The following ANAPC16 variants were observed in gnomAD, a reference collection of about 807,000 sequenced individuals.
ANAPC16 encodes anaphase-promoting complex subunit 16.
In ANAPC16, 6 loss-of-function variants were observed where a neutral mutation model predicts 13.1. The observed-to-expected ratio is 0.46, with a 90% CI of 0.25 to 0.90. The LOEUF (loss-of-function observed/expected upper bound fraction) is 0.90. Ranked by LOEUF, ANAPC16 falls within the 40% of genes least tolerant of loss-of-function variation. The pLI, the probability that ANAPC16 is intolerant of heterozygous loss-of-function variation, is 0.18. For synonymous variants in ANAPC16, 55 were observed against 51.3 expected (o/e 1.07, Z -0.31); for missense variants, 113 against 131.1 (o/e 0.86, Z 0.67).
intron 1 of ANAPC16, among the ~76,000 whole-genome samples, chr10:72,218,154 A>C (rs1364600520): frequency 2.0e-5 from 1 of 50,056 alleles, no homozygotes; most frequent in Non-Finnish European, 3.6e-5. Context: ...TCAAAAAAAA[A>C]AAAAAAAAAA....
rs115750400 is a variant in ANAPC16, at chr10:72,226,888, C to T, written c.142+2832C>T. 3.3e-3 allele frequency among the ~76,000 whole-genome samples: 502 copies of T among 152,222 alleles called. 5 individuals are homozygous for T. The highest frequency in any genetic ancestry group is 0.012 in the African/African-American group (482 of 41,540). On this transcript the variant is annotated intron_variant, in intron 2 of 3. Transcript: ENST00000299381. ...GCATATGTAATTAGTGATACATGTA[C>T]TTCTCTCTTTGCCTTTTTATTTTCT...
chr10:72,216,832 A>G (rs1385891311), intron 1 of ANAPC16: 1 of 456,092 alleles, frequency 2.2e-6, no homozygotes, highest in Non-Finnish European at 4.4e-6. Context: ...TGACAGGGCC[A>G]AGTCCCAGGA....
chr10:72,222,824 G>C (rs964385143), intron 1 of ANAPC16, among the ~76,000 whole-genome samples: 1 of 152,216 alleles, frequency 6.6e-6, no homozygotes, highest in African/African-American at 2.4e-5. Flanking sequence ...ACACTTTTTA[G>C]AATTTTTGTT....
chr10:72,217,848 A>C (rs1859611742), intron 1 of ANAPC16, among the ~76,000 whole-genome samples: 1 of 152,064 alleles, frequency 6.6e-6, no homozygotes, highest in East Asian at 1.9e-4. Flanking sequence ...CTTTTTGAGC[A>C]CTGACAGGAT....
At position 72,233,080 on chromosome 10, in the gene ANAPC16, C is replaced by T. The variant is rs767395303; in HGVS notation, c.297C>T (p.Ile99=). The change falls in exon 4 of 4, where the codon ATC becomes ATT. Residue 99 remains isoleucine, a synonymous_variant. Transcript: ENST00000299381. ...LEADEWRFKP[I]EQLLGFTPSS... ...CTGACGAGTGGCGGTTTAAGCCCATCGAGCAGCTGCTGGGATTCACCCCCT... is the reference window on the plus strand; with the variant it reads ...CTGACGAGTGGCGGTTTAAGCCCATTGAGCAGCTGCTGGGATTCACCCCCT... 5.0e-6 allele frequency: 8 copies of T among 1,614,162 alleles called. No homozygotes were observed. The highest frequency in any genetic ancestry group is 1.1e-5 in the South Asian group (1 of 91,086).
At chr10:72,229,908 T>C (rs949962139) in intron 2 of ANAPC16, among the ~76,000 whole-genome samples, 29 of 152,362 alleles carry the variant, frequency 1.9e-4, no homozygotes, top group African/African-American at 6.0e-4. Context: ...TAATTTGATA[T>C]ATTAAAAATC....
At position 72,230,455 on chromosome 10, in the gene ANAPC16, G is replaced by A; in HGVS notation, c.217+15G>A. ...GGTGAAACATGGTAAGCACATGAGT[G>A]TTGCGTACTTGACTGTGAGAATAAA... On this transcript the variant is annotated intron_variant, in intron 3 of 3. Transcript: ENST00000299381. 6.2e-7 allele frequency: 1 copy of A among 1,610,740 alleles called. No homozygotes were observed. The highest frequency in any genetic ancestry group is 8.5e-7 in the Non-Finnish European group (1 of 1,177,328).
At chr10:72,218,435 C>G (rs1202529111) in intron 1 of ANAPC16, among the ~76,000 whole-genome samples, 1 of 151,770 alleles carries the variant, frequency 6.6e-6, no homozygotes, top group Non-Finnish European at 1.5e-5. Context: ...CTTTACGTTG[C>G]ACATGACAAA....
chr10:72,230,845 C>T (rs1023747242), intron 3 of ANAPC16, among the ~76,000 whole-genome samples: 1 of 152,022 alleles, frequency 6.6e-6, no homozygotes, highest in African/African-American at 2.4e-5. Flanking sequence ...GAGCCGGAAT[C>T]ACAGCACTGC....
chr10:72,217,953 G>GA (rs1307316806), intron 1 of ANAPC16, among the ~76,000 whole-genome samples: 49 of 148,866 alleles, frequency 3.3e-4, no homozygotes, highest in Non-Finnish European at 5.1e-4. Flanking sequence ...CCCAAAACCT[G>GA]AAAAAAAAAT....
At chr10:72,226,682 G>A (rs998955323) in intron 2 of ANAPC16, among the ~76,000 whole-genome samples, 1 of 150,458 alleles carries the variant, frequency 6.6e-6, no homozygotes. Context: ...AAAAAAAAAA[G>A]AAAAGAAAAG....
At chr10:72,216,755 A>C in intron 1 of ANAPC16, 1 of 453,938 alleles carries the variant, frequency 2.2e-6, no homozygotes, top group Non-Finnish European at 4.4e-6. Context: ...GCTCGGACAC[A>C]GCAATCTGTG....
intron 2 of ANAPC16, among the ~76,000 whole-genome samples, chr10:72,229,228 CTTT>C (rs201528335): frequency 1.6e-5 from 2 of 122,890 alleles, no homozygotes; most frequent in African/African-American, 2.9e-5. Context: ...TTCTTTTTCT[CTTT>C]TTTTTTTTTT....
intron 3 of ANAPC16, among the ~76,000 whole-genome samples, chr10:72,231,431 A>T (rs550580433): frequency 6.6e-6 from 1 of 152,212 alleles, no homozygotes; most frequent in African/African-American, 2.4e-5. Flanking sequence ...GGTCCCAGCT[A>T]CGTGGGAGGC....
At chr10:72,231,565 T>C (rs1172579037) in intron 3 of ANAPC16, among the ~76,000 whole-genome samples, 1 of 152,084 alleles carries the variant, frequency 6.6e-6, no homozygotes, top group Non-Finnish European at 1.5e-5. Context: ...TAAAATGACT[T>C]TTATTTTTTG....
rs573253704 is a variant in ANAPC16 at position 72,221,935 on chromosome 10, G to A, written c.-27-1953G>A. On this transcript the variant is annotated intron_variant, in intron 1 of 3. Coordinates refer to ENST00000299381, the MANE Select transcript of ANAPC16 (RefSeq NM_173473.4). ...AGTAGAGATTGGGTTTCACCATGTT[G>A]GCCAGGCTGGTCTTGAACTCCTGAC... is the stretch of plus-strand genomic sequence containing the variant. 1.7e-4 allele frequency among the ~76,000 whole-genome samples: 25 copies of A among 150,308 alleles called. No individual in the cohort carries two copies. The East Asian group carries it at 4.8e-3, about 29-fold the overall frequency.
intron 2 of ANAPC16, among the ~76,000 whole-genome samples, chr10:72,226,829 G>T (rs1860137264): frequency 1.3e-5 from 2 of 152,242 alleles, no homozygotes; most frequent in African/African-American, 4.8e-5. Flanking sequence ...GATTGGTTTG[G>T]GTTATGACTA....
chr10:72,232,318 G>A (rs1178801612), intron 3 of ANAPC16, among the ~76,000 whole-genome samples: 1 of 151,626 alleles, frequency 6.6e-6, no homozygotes, highest in Non-Finnish European at 1.5e-5. Flanking sequence ...GCTGAGGCAG[G>A]CAGATCACCT....
Position 72,227,285 on chromosome 10 carries a change from AT to A in ANAPC16, c.143-3079del, listed in dbSNP as rs564617457. 1.6e-4 allele frequency among the ~76,000 whole-genome samples: 25 copies of A among 152,340 alleles called. No individual in the cohort carries two copies. The South Asian group carries it at 5.2e-3, about 32-fold the overall frequency. The stretch of plus-strand genomic sequence containing the variant: ...ATATTGAAGAAGAAAGGCTTCTGAG[AT>A]TAGTCTGAATGTTGATGTTCTAACG... On this transcript the variant is annotated intron_variant, in intron 2 of 3. Transcript: ENST00000299381.
Sources: gnomAD v4.1 joint callset for allele counts (sites outside exome capture counted in the v4.1 genomes callset) on GRCh38, gnomAD v4.1.1 for gene constraint, MANE v1.5 for transcripts, NCBI Gene and HGNC (gene_info 2026-07-23, HGNC 2026-07-21) for gene names.